The following DMD variants were observed in gnomAD, a reference collection of about 807,000 sequenced individuals.
DMD encodes the protein dystrophin.
DMD carries 63 observed loss-of-function variants against 330.1 expected under a neutral mutation model. The ratio of observed to expected loss-of-function variants is 0.19; its 90% CI spans 0.16 to 0.24. The LOEUF is 0.24. Among genes scored for constraint, DMD ranks in the 10% least tolerant of loss-of-function variants. DMD has a pLI of 1.00. For synonymous variants in DMD, 1,223 were observed against 959.8 expected (o/e 1.27, Z -5.07); for missense variants, 3,344 against 2,684.1 (o/e 1.25, Z -5.43).
rs183840168 is a variant in DMD, at chrX:33,121,463, C to A, written c.31+89819G>T. Among the ~76,000 whole-genome samples the A allele has an allele frequency of 2.4e-3, 265 of 111,398 alleles. 2 individuals carry two copies. Among genetic ancestry groups the A allele is most frequent in the African/African-American group, 8.3e-3 (255 of 30,625 alleles). On this transcript the variant is annotated intron_variant, in intron 1 of 78. Transcript: ENST00000357033. ...GGCCAGGCAGGTCTCGACATCCTGACCTCAAGTAATCCGCCCACCTTGGCC... is the reference window on the plus strand; with the variant it reads ...GGCCAGGCAGGTCTCGACATCCTGAACTCAAGTAATCCGCCCACCTTGGCC...
At chrX:33,331,812 C>G (rs1159184710) in intron 1 of DMD, among the ~76,000 whole-genome samples, 1 of 111,392 alleles carries the variant, frequency 9.0e-6, no homozygotes, top group Non-Finnish European at 1.9e-5. Context: ...TACTGCAGTG[C>G]ACTTTAGGCT....
In DMD at chrX:31,748,161, T is replaced by C. The variant is rs553153892; in HGVS notation, c.7543-18413A>G. ...TTAATTTTACAAGTTTTCTGTAAGA[T>C]AGTAGACAGAATAGGTGTTACTGAG... is the stretch of plus-strand genomic sequence containing the variant. On this transcript the variant is annotated intron_variant, in intron 51 of 78. Transcript: ENST00000357033. Among the ~76,000 whole-genome samples, 18 of 112,186 alleles carry C rather than the reference T, an allele frequency of 1.6e-4. No homozygotes were observed. In the South Asian group the frequency reaches 5.9e-3, roughly 37 times the overall value.
At chrX:32,041,985 C>A (rs2147378956) in intron 44 of DMD, among the ~76,000 whole-genome samples, 1 of 93,700 alleles carries the variant, frequency 1.1e-5, no homozygotes, top group East Asian at 3.4e-4. Context: ...CCATGCTTCC[C>A]TCCCTCTCTC....
At chrX:31,543,210 C>T (rs753139951) in intron 55 of DMD, among the ~76,000 whole-genome samples, 11 of 109,710 alleles carry the variant, frequency 1.0e-4, no homozygotes, top group Non-Finnish European at 1.9e-4. Context: ...CTTGCTCTGT[C>T]GCCAGGCTGG....
chrX:31,478,141 T>C lies in DMD; in HGVS notation c.8902A>G (p.Ile2968Val). 1.7e-6 allele frequency: 2 copies of C among 1,210,743 alleles called. No individual in the cohort carries two copies. The highest frequency in any genetic ancestry group is 2.2e-6 in the Non-Finnish European group (2 of 895,089). ...GSWQPVGDLL[I>V]DSLQDHLEKV... is the part of the protein sequence containing the mutation. ...TCGAGGTGATCTTGGAGAGAGTCAA[T>C]GAGGAGATCGCCCACGGGCTGCCAG... The change falls in exon 59 of 79, where the codon ATT (isoleucine) becomes GTT (valine). Residue 2968 changes from isoleucine (I) to valine (V), a missense_variant. Physicochemically the swap from Ile to Val is conservative, Grantham distance 29. Transcript: ENST00000357033.
At chrX:32,304,146 C>T (rs1301681048) in intron 42 of DMD, among the ~76,000 whole-genome samples, 4 of 111,149 alleles carry the variant, frequency 3.6e-5, no homozygotes, top group African/African-American at 9.8e-5. Context: ...ACATAAAAAA[C>T]GACATTATAA....
chrX:32,760,844 C>T (rs1251043435), intron 7 of DMD, among the ~76,000 whole-genome samples: 1 of 111,420 alleles, frequency 9.0e-6, no homozygotes, highest in Non-Finnish European at 1.9e-5. Flanking sequence ...AATGCACACT[C>T]GATAGCTTTT....
chrX:31,514,849 G>T (rs190800891), intron 55 of DMD, among the ~76,000 whole-genome samples: 4 of 111,137 alleles, frequency 3.6e-5, no homozygotes, highest in Admixed American at 9.6e-5. Context: ...CATGGGAATG[G>T]AGTAAAGGTG....
chrX:32,770,882 A>G (rs535874694), intron 7 of DMD, among the ~76,000 whole-genome samples: 86 of 112,439 alleles, frequency 7.6e-4, no homozygotes, highest in South Asian at 1.5e-3. Flanking sequence ...AACAAAAGGC[A>G]TGGAGAGGTT....
chrX:32,606,786 C>A (rs928447343), intron 12 of DMD, among the ~76,000 whole-genome samples: 1 of 76,379 alleles, frequency 1.3e-5, no homozygotes, highest in African/African-American at 7.3e-5. Context: ...TACACACACA[C>A]CACAGAACAC....
intron 17 of DMD, among the ~76,000 whole-genome samples, chrX:32,538,477 T>A (rs1384582553): frequency 9.1e-6 from 1 of 109,810 alleles, no homozygotes; most frequent in African/African-American, 3.3e-5. Flanking sequence ...CCCACCCCTA[T>A]CTCCCTTCCG....
Position 33,164,371 on chromosome X carries a change from A to T in DMD, c.31+46911T>A, listed in dbSNP as rs73455883. Among the ~76,000 whole-genome samples, 454 of 112,515 alleles carry T rather than the reference A, an allele frequency of 4.0e-3. 1 individual carries two copies. The highest frequency in any genetic ancestry group is 0.014 in the African/African-American group (435 of 31,046). On this transcript the variant is annotated intron_variant, in intron 1 of 78. Transcript: ENST00000357033. ...ATTTAAGGTTTTATTTGCTTGCTAAATATAATTGAGCTGTTTAATTGTAAT... is the reference window on the plus strand; with the variant it reads ...ATTTAAGGTTTTATTTGCTTGCTAATTATAATTGAGCTGTTTAATTGTAAT...
chrX:31,164,673 G>T (rs2039226110), intron 74 of DMD, among the ~76,000 whole-genome samples: 1 of 110,974 alleles, frequency 9.0e-6, no homozygotes, highest in Admixed American at 9.6e-5. Context: ...CCCCCAGCTT[G>T]ATTTCCTCGT....
chrX:32,738,840 C>T (rs1325443197), intron 7 of DMD, among the ~76,000 whole-genome samples: 1 of 111,460 alleles, frequency 9.0e-6, no homozygotes, highest in Non-Finnish European at 1.9e-5. Flanking sequence ...AGAAATGAAT[C>T]TTTCAAAAGG....
Position 31,329,092 on chromosome X carries a change from T to C in DMD, c.9164-5434A>G, listed in dbSNP as rs750602396. Among the ~76,000 whole-genome samples, 13 of 112,600 alleles carry C rather than the reference T, an allele frequency of 1.2e-4. No individual in the cohort carries two copies. The South Asian group carries it at 3.7e-3, about 32-fold the overall frequency. On this transcript the variant is annotated intron_variant, in intron 61 of 78. Coordinates refer to ENST00000357033, the MANE Select transcript of DMD (RefSeq NM_004006.3). ...TCAGCATGAATGATAAACAGATTAG[T>C]CTATATTTTATGCAGTGAAAATCAG...
intron 2 of DMD, among the ~76,000 whole-genome samples, chrX:32,901,945 C>A (rs2086283398): frequency 9.1e-6 from 1 of 109,915 alleles, no homozygotes; most frequent in African/African-American, 3.4e-5. Flanking sequence ...TAAAATCGCT[C>A]TTCAGTTTTA....
At chrX:32,579,769 C>T (rs748342702) in intron 13 of DMD, among the ~76,000 whole-genome samples, 2 of 112,696 alleles carry the variant, frequency 1.8e-5, no homozygotes, top group African/African-American at 3.2e-5. Flanking sequence ...GAACATGTGG[C>T]CTTTGCAGGA....
intron 12 of DMD, among the ~76,000 whole-genome samples, chrX:32,608,950 A>G (rs2056949248): frequency 9.0e-6 from 1 of 110,867 alleles, no homozygotes; most frequent in African/African-American, 3.3e-5. Context: ...TTTGCTAACC[A>G]CTAAAAGCAC....
intron 55 of DMD, among the ~76,000 whole-genome samples, chrX:31,574,143 TTTG>T (rs1452652556): frequency 7.3e-5 from 7 of 96,397 alleles, no homozygotes; most frequent in Non-Finnish European, 1.1e-4. Flanking sequence ...TGTTTTTTTT[TTTG>T]TTTTTTTTTT....
Sources: allele counts gnomAD v4.1 joint callset (sites outside exome capture counted in the v4.1 genomes callset), GRCh38; gene constraint gnomAD v4.1.1; transcripts MANE v1.5; gene names NCBI Gene and HGNC (gene_info 2026-07-23, HGNC 2026-07-21).